The following SNTG1 variants were observed in gnomAD, a reference collection of about 807,000 sequenced individuals.
SNTG1 encodes gamma-1-syntrophin.
SNTG1 carries 39 observed loss-of-function variants against 74.7 expected under a neutral mutation model. That is an observed-to-expected ratio of 0.52 (90% CI 0.40 to 0.68). The LOEUF (loss-of-function observed/expected upper bound fraction) is 0.68, where lower values mean the gene tolerates loss of function less well. Among genes scored for constraint, SNTG1 ranks in the 30% least tolerant of loss-of-function variants. SNTG1 has a pLI of 0.00. For missense variants in SNTG1, 685 were observed against 609.5 expected, an observed-to-expected ratio of 1.12 and a Z score of -1.30; for synonymous variants, 254 against 217.1, an observed-to-expected ratio of 1.17 and a Z score of -1.49.
At position 50,184,550 on chromosome 8, in the gene SNTG1, C is replaced by T. The variant is rs375407528; in HGVS notation, c.-28+11915C>T. On this transcript the variant is annotated intron_variant, in intron 2 of 18. Transcript: ENST00000642720. ...CTGAAATGTCTGTTTCCTGCAATCTCAATCTCTTTTAAATGGTTGTAATTA... is the reference window on the plus strand; with the variant it reads ...CTGAAATGTCTGTTTCCTGCAATCTTAATCTCTTTTAAATGGTTGTAATTA... Among the ~76,000 whole-genome samples the T allele has an allele frequency of 5.3e-5, 8 of 152,284 alleles. 1 individual carries two copies. Among genetic ancestry groups the T allele is most frequent in the African/African-American group, 1.9e-4 (8 of 41,558 alleles).
chr8:50,587,929 G>A (rs2094663470), intron 12 of SNTG1, among the ~76,000 whole-genome samples: 1 of 151,896 alleles, frequency 6.6e-6, no homozygotes. Context: ...GGCCAACATG[G>A]TGAAACCCTA....
Position 50,282,313 on chromosome 8 carries a change from G to A in SNTG1, c.-28+109678G>A, listed in dbSNP as rs1411007925. Reference sequence around the variant, plus strand: ...AAATACTGTCAGTTTGTAAGAGAGAGTGCTCATGACAAAAATCGGCCAGAA... The same window carrying A: ...AAATACTGTCAGTTTGTAAGAGAGAATGCTCATGACAAAAATCGGCCAGAA... On this transcript the variant is annotated intron_variant, in intron 2 of 18. Coordinates refer to ENST00000642720, the MANE Select transcript of SNTG1 (RefSeq NM_018967.5). 8.8e-5 allele frequency among the ~76,000 whole-genome samples: 13 copies of A among 148,504 alleles called. No homozygotes were observed. The East Asian group carries it at 2.1e-3, about 24-fold the overall frequency.
intron 2 of SNTG1, among the ~76,000 whole-genome samples, chr8:50,205,629 T>C (rs2084193609): frequency 6.6e-6 from 1 of 152,234 alleles, no homozygotes; most frequent in South Asian, 2.1e-4. Context: ...GTTTTAGTCA[T>C]GAAGTCCTTG....
intron 15 of SNTG1, among the ~76,000 whole-genome samples, chr8:50,697,527 AC>A (rs1182304216): frequency 6.6e-6 from 1 of 152,148 alleles, no homozygotes; most frequent in African/African-American, 2.4e-5. Context: ...AATACTTTCA[AC>A]TTTTCCATTT....
At chr8:50,533,821 A>G (rs949248733) in intron 10 of SNTG1, among the ~76,000 whole-genome samples, 5 of 152,196 alleles carry the variant, frequency 3.3e-5, no homozygotes, top group African/African-American at 1.2e-4. Flanking sequence ...AGATGCCACA[A>G]GAAAGAATGT....
At chr8:50,141,773 G>T (rs769219393) in intron 1 of SNTG1, among the ~76,000 whole-genome samples, 3 of 151,962 alleles carry the variant, frequency 2.0e-5, no homozygotes, top group Non-Finnish European at 4.4e-5. Flanking sequence ...TACAGAGAAA[G>T]AATTAGAGGA....
chr8:50,325,712 C>A (rs1289181915), intron 2 of SNTG1, among the ~76,000 whole-genome samples: 1 of 152,052 alleles, frequency 6.6e-6, no homozygotes, highest in East Asian at 1.9e-4. Context: ...TTCTTCAAAT[C>A]AGTACACCTT....
At chr8:50,333,193 A>C (rs1161410767) in intron 2 of SNTG1, among the ~76,000 whole-genome samples, 2 of 152,348 alleles carry the variant, frequency 1.3e-5, no homozygotes. Flanking sequence ...CTTCGATACA[A>C]TAACTTAACC....
intron 1 of SNTG1, among the ~76,000 whole-genome samples, chr8:49,992,760 C>A (rs904223216): frequency 6.6e-6 from 1 of 152,066 alleles, no homozygotes; most frequent in Non-Finnish European, 1.5e-5. Context: ...AGTAATGGAC[C>A]TCTTGAGAAC....
chr8:50,680,869 C>T (rs905107014), intron 15 of SNTG1, among the ~76,000 whole-genome samples: 2 of 152,034 alleles, frequency 1.3e-5, no homozygotes, highest in African/African-American at 4.8e-5. Context: ...AGCAGCCTTC[C>T]CATCTGCATT....
intron 2 of SNTG1, among the ~76,000 whole-genome samples, chr8:50,328,929 T>G (rs2090855855): frequency 6.6e-6 from 1 of 152,116 alleles, no homozygotes; most frequent in Admixed American, 6.5e-5. Context: ...CAAAAACAAG[T>G]TAGGTACTTC....
chr8:49,928,907 G>A (rs1807297910), intron 1 of SNTG1, among the ~76,000 whole-genome samples: 1 of 152,024 alleles, frequency 6.6e-6, no homozygotes, highest in East Asian at 1.9e-4. Flanking sequence ...GAATAAAGAT[G>A]ACTAAGCATC....
At chr8:50,548,403 G>A (rs532478380) in intron 11 of SNTG1, among the ~76,000 whole-genome samples, 5 of 152,178 alleles carry the variant, frequency 3.3e-5, no homozygotes, top group Non-Finnish European at 7.3e-5. Context: ...GGAAGAGGGT[G>A]TAGTTAAAGA....
At chr8:49,983,754 C>A (rs566266176) in intron 1 of SNTG1, among the ~76,000 whole-genome samples, 1 of 152,336 alleles carries the variant, frequency 6.6e-6, no homozygotes, top group Non-Finnish European at 1.5e-5. Context: ...AAAAGGTTTG[C>A]AGAACAGTGG....
At chr8:50,779,687 C>T (rs2095652614) in intron 18 of SNTG1, among the ~76,000 whole-genome samples, 1 of 146,152 alleles carries the variant, frequency 6.8e-6, no homozygotes, top group Admixed American at 6.7e-5. Context: ...TAATCGAATA[C>T]CCTTTATTTC....
intron 18 of SNTG1, among the ~76,000 whole-genome samples, chr8:50,763,890 CACACACACACACACACA>C (rs1311900696): frequency 1.0e-3 from 120 of 118,966 alleles, no homozygotes; most frequent in African/African-American, 4.6e-3. Context: ...CACACACACA[CACACACACACACACACA>C]AAAATAACCA....
intron 1 of SNTG1, among the ~76,000 whole-genome samples, chr8:50,054,916 T>C (rs1819894066): frequency 6.6e-6 from 1 of 152,138 alleles, no homozygotes; most frequent in Non-Finnish European, 1.5e-5. Flanking sequence ...GGCTCAAGTG[T>C]TCCTCTGACC....
rs1305122392 is a variant in SNTG1, at chr8:50,484,191, TCC to T, written c.364-18586_364-18585del. On this transcript the variant is annotated intron_variant, in intron 8 of 18. Coordinates refer to ENST00000642720, the MANE Select transcript of SNTG1 (RefSeq NM_018967.5). ...TTCCTTCCTTCCTTCCTTCCTTCCT[TCC>T]TTCCTTCCTTCCTTCCTTCCTTCTT... 5.5e-4 allele frequency among the ~76,000 whole-genome samples: 70 copies of T among 128,316 alleles called. 1 individual carries two copies. Among genetic ancestry groups the T allele is most frequent in the African/African-American group, 1.6e-3 (60 of 36,442 alleles). The allele number at this position is 128,316 out of a possible 152,430, so 84.2% of individuals were successfully genotyped here. A position where few individuals can be genotyped will look rare whatever the true frequency, so the allele number is the denominator to read the frequency against.
intron 1 of SNTG1, among the ~76,000 whole-genome samples, chr8:50,000,119 C>A (rs2130434648): frequency 6.6e-6 from 1 of 152,242 alleles, no homozygotes; most frequent in South Asian, 2.1e-4. Flanking sequence ...TGATGACTGG[C>A]ACCGTGCCAC....
Sources: gnomAD v4.1 joint callset for allele counts (sites outside exome capture counted in the v4.1 genomes callset) on GRCh38, gnomAD v4.1.1 for gene constraint, MANE v1.5 for transcripts, NCBI Gene and HGNC (gene_info 2026-07-23, HGNC 2026-07-21) for gene names.